The following SGCD variants were observed in gnomAD, a reference collection of about 807,000 sequenced individuals.
The protein encoded by SGCD is sarcoglycan delta.
Under a neutral mutation model 36.6 loss-of-function variants are expected in SGCD, and 18 were observed. That is an observed-to-expected ratio of 0.49 (90% CI 0.34 to 0.73). The LOEUF is 0.73. SGCD is among the 30% of genes least tolerant of loss of function. The probability of loss-of-function intolerance (pLI) is 0.01; values close to 1 mark genes in which losing one functional copy is unlikely to be tolerated. For missense variants in SGCD, 387 were observed against 346.7 expected (o/e 1.12, Z -0.92); for synonymous variants, 133 against 130.6 (o/e 1.02, Z -0.12).
chr5:156,131,324 T>A (rs1762317839), intron 3 of SGCD, among the ~76,000 whole-genome samples: 1 of 152,214 alleles, frequency 6.6e-6, no homozygotes, highest in Non-Finnish European at 1.5e-5. Flanking sequence ...CAATGACAAG[T>A]CACTGAACTG....
the SGCD span, among the ~76,000 whole-genome samples, chr5:155,859,104 C>T: frequency 1.3e-5 from 2 of 151,760 alleles, no homozygotes; most frequent in African/African-American, 2.4e-5. Flanking sequence ...TTTTGCTGCC[C>T]AGGCTGGAGT....
chr5:156,249,674 T>G, intron 3 of SGCD, among the ~76,000 whole-genome samples: 1 of 150,962 alleles, frequency 6.6e-6, no homozygotes, highest in African/African-American at 2.4e-5. Flanking sequence ...GTTATGCAAC[T>G]GCAAAGGAAT....
intron 3 of SGCD, chr5:156,124,096 C>T (rs972616944): frequency 6.6e-6 from 1 of 152,212 alleles, no homozygotes; most frequent in Non-Finnish European, 1.5e-5. Context: ...TGCAGCCTTT[C>T]TCCTCCCCCT....
At chr5:156,375,136 T>G (rs1561653904) in intron 3 of SGCD, among the ~76,000 whole-genome samples, 1 of 152,144 alleles carries the variant, frequency 6.6e-6, no homozygotes, top group African/African-American at 2.4e-5. Flanking sequence ...TTCCCTTTCC[T>G]TCTCTCTGTC....
intron 3 of SGCD, among the ~76,000 whole-genome samples, chr5:156,443,477 T>C (rs1191495346): frequency 6.6e-6 from 1 of 152,180 alleles, no homozygotes; most frequent in Non-Finnish European, 1.5e-5. Flanking sequence ...TCTCTCACTA[T>C]TGTCTGGGAC....
rs986087361 is a variant in SGCD at position 155,942,305 on chromosome 5, TG to T, written c.-282+71882del. Among the ~76,000 whole-genome samples the T allele has an allele frequency of 2.3e-4, 24 of 103,930 alleles. 1 individual carries two copies. The South Asian group carries it at 5.3e-3, about 23-fold the overall frequency. The allele number at this position is 103,930 out of a possible 152,430, so 68.2% of individuals were successfully genotyped here. Reference sequence around the variant, plus strand: ...ATCTATGTATGTACGCATGTATGTATGTATGTATGTATGTATGTATGTATGT... The same window carrying T: ...ATCTATGTATGTACGCATGTATGTATTATGTATGTATGTATGTATGTATGT... On this transcript the variant is annotated intron_variant, in intron 1 of 9. Transcript: ENST00000517913.
At chr5:155,872,351 GCACACACACACACACA>G (rs3085993) in intron 1 of SGCD, among the ~76,000 whole-genome samples, 1 of 144,980 alleles carries the variant, frequency 6.9e-6, no homozygotes, top group Non-Finnish European at 1.5e-5. Context: ...CTTCTCTTCA[GCACACACACACACACA>G]CACACACACA....
chr5:156,039,859 GA>G (rs1397235371), intron 1 of SGCD, among the ~76,000 whole-genome samples: 1 of 151,740 alleles, frequency 6.6e-6, no homozygotes, highest in African/African-American at 2.4e-5. Flanking sequence ...CTATATAAAA[GA>G]AAAAAAATCC....
chr5:156,046,400 T>C (rs941070064), intron 1 of SGCD, among the ~76,000 whole-genome samples: 10 of 152,176 alleles, frequency 6.6e-5, no homozygotes, highest in Admixed American at 2.0e-4. Context: ...TTATTCTGCT[T>C]CACAGATACT....
At chr5:155,987,128 G>A (rs1396852819) in intron 1 of SGCD, among the ~76,000 whole-genome samples, 1 of 152,174 alleles carries the variant, frequency 6.6e-6, no homozygotes, top group African/African-American at 2.4e-5. Context: ...TGAGCCTTTA[G>A]TAAGGCCTTG....
intron 3 of SGCD, among the ~76,000 whole-genome samples, chr5:156,240,802 C>A (rs996641208): frequency 1.3e-5 from 2 of 151,972 alleles, no homozygotes; most frequent in African/African-American, 4.8e-5. Flanking sequence ...AAGTATCAGT[C>A]AGCAACAATT....
intron 6 of SGCD, among the ~76,000 whole-genome samples, chr5:156,615,258 C>T (rs1320290411): frequency 1.3e-5 from 2 of 152,172 alleles, no homozygotes; most frequent in Non-Finnish European, 2.9e-5. Flanking sequence ...AGGAATTGGA[C>T]ATTATAGCAT....
At chr5:156,234,856 A>G (rs1765115395) in intron 3 of SGCD, among the ~76,000 whole-genome samples, 1 of 152,194 alleles carries the variant, frequency 6.6e-6, no homozygotes, top group Non-Finnish European at 1.5e-5. Flanking sequence ...AGATAAAGGA[A>G]CTAGGTAGGG....
At chr5:156,477,714 A>G (rs1348326155) in intron 3 of SGCD, among the ~76,000 whole-genome samples, 1 of 151,206 alleles carries the variant, frequency 6.6e-6, no homozygotes, top group Non-Finnish European at 1.5e-5. Context: ...AGTGATGTCA[A>G]GGTCATAGGC....
intron 1 of SGCD, among the ~76,000 whole-genome samples, chr5:155,981,491 C>T (rs2127562230): frequency 6.6e-6 from 1 of 152,260 alleles, no homozygotes; most frequent in Non-Finnish European, 1.5e-5. Context: ...TGACTTTTGC[C>T]ATTACTCCTT....
intron 7 of SGCD, among the ~76,000 whole-genome samples, chr5:156,725,419 C>A (rs1755725801): frequency 6.6e-6 from 1 of 152,118 alleles, no homozygotes; most frequent in Non-Finnish European, 1.5e-5. Context: ...CCTGGATGAA[C>A]TGGTTAGAAA....
chr5:155,920,334 G>A (rs952862859), intron 1 of SGCD, among the ~76,000 whole-genome samples: 1 of 152,162 alleles, frequency 6.6e-6, no homozygotes. Context: ...TATCTGACTT[G>A]AGCAACTAGA....
chr5:156,302,764 G>C (rs1028631015), intron 3 of SGCD, among the ~76,000 whole-genome samples: 1 of 152,100 alleles, frequency 6.6e-6, no homozygotes, highest in Non-Finnish European at 1.5e-5. Flanking sequence ...GGTTATATTT[G>C]GGAGAATTCC....
At position 156,509,930 on chromosome 5, in the gene SGCD, C is replaced by T. The variant is rs375527090; in HGVS notation, c.294+1228C>T. Among the ~76,000 whole-genome samples the T allele has an allele frequency of 3.4e-3, 524 of 152,314 alleles. 1 individual carries two copies. The highest frequency in any genetic ancestry group is 0.012 in the African/African-American group (493 of 41,572). Reference sequence around the variant, plus strand: ...TTTGCTCTGCCTTGGATTGATCCCCCTTCACCTGTGAGCAAGGCATAATGT... The same window carrying T: ...TTTGCTCTGCCTTGGATTGATCCCCTTTCACCTGTGAGCAAGGCATAATGT... On this transcript the variant is annotated intron_variant, in intron 4 of 8. Coordinates refer to ENST00000337851, the MANE Select transcript of SGCD (RefSeq NM_000337.6).
Sources: gnomAD v4.1 joint callset for allele counts (sites outside exome capture counted in the v4.1 genomes callset) on GRCh38, gnomAD v4.1.1 for gene constraint, MANE v1.5 for transcripts, NCBI Gene and HGNC (gene_info 2026-07-23, HGNC 2026-07-21) for gene names.